The following FRMPD2 variants were observed in gnomAD, a reference collection of about 807,000 sequenced individuals.
The protein encoded by FRMPD2 is FERM and PDZ domain containing 2, also known as FERM and PDZ domain-containing protein 2.
A neutral mutation model predicts 140.1 loss-of-function variants in FRMPD2; 96 were observed. The observed-to-expected ratio is 0.69, with a 90% CI of 0.58 to 0.81. The LOEUF is 0.81. FRMPD2 is among the 40% of genes least tolerant of loss of function. The pLI, the probability that FRMPD2 is intolerant of heterozygous loss-of-function variation, is 0.00. For missense variants in FRMPD2, 1,240 were observed against 1,447.4 expected, an observed-to-expected ratio of 0.86 and a Z score of 2.32; for synonymous variants, 449 against 547.6, an observed-to-expected ratio of 0.82 and a Z score of 2.52.
intron 9 of FRMPD2, among the ~76,000 whole-genome samples, chr10:48,234,645 C>T (rs1041279437): frequency 6.6e-6 from 1 of 152,126 alleles, no homozygotes; most frequent in African/African-American, 2.4e-5. Flanking sequence ...AATGGGGCCT[C>T]CTGTTTCCCA....
intron 2 of FRMPD2, among the ~76,000 whole-genome samples, chr10:48,250,968 T>G (rs1351695296): frequency 6.6e-6 from 1 of 151,396 alleles, no homozygotes; most frequent in Admixed American, 6.6e-5. Context: ...GGCAAATTTT[T>G]TTTTTTGTAT....
At chr10:48,257,260 T>A (rs1449176606) in intron 1 of FRMPD2, among the ~76,000 whole-genome samples, 7 of 151,886 alleles carry the variant, frequency 4.6e-5, no homozygotes, top group African/African-American at 1.4e-4. Context: ...TTTATTTTTT[T>A]ATTTTTTTAT....
chr10:48,222,281 C>A, intron 12 of FRMPD2, 32 bp downstream of exon 12: 1 of 1,602,876 alleles, frequency 6.2e-7, no homozygotes, highest in Non-Finnish European at 8.5e-7. Context: ...TTCCAGTGAC[C>A]CCACACAAAG....
At chr10:48,269,802 G>T (rs1840736495) in intron 1 of FRMPD2, among the ~76,000 whole-genome samples, 1 of 152,212 alleles carries the variant, frequency 6.6e-6, no homozygotes, top group Admixed American at 6.5e-5. Context: ...AGACCCAGGA[G>T]ACCTGCTGTA....
chr10:48,196,292 G>A (rs1838948371), intron 15 of FRMPD2, among the ~76,000 whole-genome samples: 1 of 152,184 alleles, frequency 6.6e-6, no homozygotes, highest in South Asian at 2.1e-4. Context: ...GCTTGTCCTT[G>A]CAGACAACAG....
At chr10:48,257,539 C>A (rs1840512780) in intron 1 of FRMPD2, among the ~76,000 whole-genome samples, 1 of 152,192 alleles carries the variant, frequency 6.6e-6, no homozygotes. Context: ...CTCAGCCTCA[C>A]AAAGTGCTGG....
intron 4 of FRMPD2, among the ~76,000 whole-genome samples, chr10:48,244,364 T>C (rs1840196058): frequency 6.6e-6 from 1 of 152,242 alleles, no homozygotes; most frequent in Non-Finnish European, 1.5e-5. Flanking sequence ...GAGAGGGAGA[T>C]ATTGTAGGGA....
chr10:48,198,333 T>C (rs981250447), intron 15 of FRMPD2, among the ~76,000 whole-genome samples: 6 of 152,224 alleles, frequency 3.9e-5, no homozygotes, highest in African/African-American at 1.4e-4. Context: ...TGTGTCTATC[T>C]ATAACTATGC....
intron 10 of FRMPD2, among the ~76,000 whole-genome samples, chr10:48,226,533 A>G (rs1839725038): frequency 6.6e-6 from 1 of 152,242 alleles, no homozygotes; most frequent in South Asian, 2.1e-4. Context: ...TTTTAAGCGC[A>G]CTTTTAAGAG....
chr10:48,245,783 T>C (rs1259255922), intron 3 of FRMPD2, among the ~76,000 whole-genome samples: 1 of 152,216 alleles, frequency 6.6e-6, no homozygotes, highest in East Asian at 1.9e-4. Context: ...GGGGCTTCTA[T>C]TATAACTGAC....
In FRMPD2 at chr10:48,207,797, C is replaced by T. The variant is rs184726427; in HGVS notation, c.1612-864G>A. Reference sequence around the variant, plus strand: ...ATTGCTGAAATCTGGTATCCCATTCCTACCCCCAACCAGAGAGCATAATGT... The same window carrying T: ...ATTGCTGAAATCTGGTATCCCATTCTTACCCCCAACCAGAGAGCATAATGT... On this transcript the variant is annotated intron_variant, in intron 13 of 28. Coordinates refer to ENST00000374201, the MANE Select transcript of FRMPD2 (RefSeq NM_001018071.4). 1.5e-3 allele frequency among the ~76,000 whole-genome samples: 223 copies of T among 150,498 alleles called. 2 individuals are homozygous for T. The highest frequency in any genetic ancestry group is 5.0e-3 in the African/African-American group (201 of 39,914).
At chr10:48,257,844 T>C (rs1840517302) in intron 1 of FRMPD2, among the ~76,000 whole-genome samples, 2 of 152,192 alleles carry the variant, frequency 1.3e-5, no homozygotes, top group Admixed American at 6.5e-5. Context: ...ATATTTCCTG[T>C]CTCTTTTTGT....
intron 2 of FRMPD2, among the ~76,000 whole-genome samples, chr10:48,249,577 C>T (rs976838005): frequency 7.9e-5 from 12 of 152,180 alleles, no homozygotes; most frequent in East Asian, 5.8e-4. Flanking sequence ...GAGAAGATGA[C>T]GCTGAAGGCA....
At chr10:48,167,733 C>T (rs1304293718) in intron 27 of FRMPD2, among the ~76,000 whole-genome samples, 134 of 152,170 alleles carry the variant, frequency 8.8e-4, no homozygotes, top group African/African-American at 3.2e-3. Context: ...GATAGGCGGT[C>T]ACATACCATC....
intron 1 of FRMPD2, among the ~76,000 whole-genome samples, chr10:48,265,149 T>C (rs1251206939): frequency 6.6e-6 from 1 of 152,110 alleles, no homozygotes; most frequent in African/African-American, 2.4e-5. Flanking sequence ...GCTGGGATAA[T>C]GGCTAGCCAT....
At chr10:48,190,763 C>T (rs1201450338) in intron 16 of FRMPD2, among the ~76,000 whole-genome samples, 2 of 152,124 alleles carry the variant, frequency 1.3e-5, no homozygotes, top group African/African-American at 2.4e-5. Flanking sequence ...TTACGGAGGG[C>T]GCCAATTCAG....
Position 48,237,987 on chromosome 10 carries a change from T to G in FRMPD2, c.921+4A>C. The G allele has an allele frequency of 6.2e-7, 1 of 1,614,184 alleles. No individual in the cohort carries two copies. ...GGAGTGTCCTTCAGCCTTATTTTGCTTACCTTGCTCCTTCTTTGCAGAAAA... is the reference window on the plus strand; with the variant it reads ...GGAGTGTCCTTCAGCCTTATTTTGCGTACCTTGCTCCTTCTTTGCAGAAAA... On this transcript the variant is annotated splice_donor_region_variant and intron_variant, in intron 8 of 28. Transcript: ENST00000374201.
At chr10:48,184,424 C>T (rs1838625035) in intron 20 of FRMPD2, 142 bp downstream of exon 20, 1 of 602,612 alleles carries the variant, frequency 1.7e-6, no homozygotes, top group South Asian at 2.2e-5. Flanking sequence ...TGTGCCACTA[C>T]ACTGCTTCTT....
chr10:48,244,138 C>T (rs1840189601), intron 4 of FRMPD2, among the ~76,000 whole-genome samples: 1 of 152,174 alleles, frequency 6.6e-6, no homozygotes, highest in Non-Finnish European at 1.5e-5. Flanking sequence ...GCATACACCA[C>T]CACACCCAGC....
Sources: allele counts gnomAD v4.1 joint callset (sites outside exome capture counted in the v4.1 genomes callset), GRCh38; gene constraint gnomAD v4.1.1; transcripts MANE v1.5; gene names NCBI Gene and HGNC (gene_info 2026-07-23, HGNC 2026-07-21).